The following PIGL variants were observed in gnomAD, a reference collection of about 807,000 sequenced individuals.
The protein encoded by PIGL is N-acetylglucosaminyl-phosphatidylinositol de-N-acetylase.
PIGL carries 22 observed loss-of-function variants against 31.1 expected under a neutral mutation model. The ratio of observed to expected loss-of-function variants is 0.71; its 90% CI spans 0.51 to 1.01. The LOEUF (loss-of-function observed/expected upper bound fraction) is 1.01. PIGL is among the 50% of genes least tolerant of loss of function. The pLI, the probability that PIGL is intolerant of heterozygous loss-of-function variation, is 0.00. For synonymous variants in PIGL, 131 were observed against 117.4 expected (o/e 1.12, Z -0.75); for missense variants, 302 against 315.9 (o/e 0.96, Z 0.33).
intron 2 of PIGL, among the ~76,000 whole-genome samples, chr17:16,266,799 G>A (rs1220427022): frequency 2.7e-5 from 4 of 150,902 alleles, no homozygotes; most frequent in Admixed American, 6.6e-5. Context: ...GGGTTTCACC[G>A]TGTTAGCCAG....
chr17:16,242,199 G>A (rs1340498647), intron 2 of PIGL, among the ~76,000 whole-genome samples: 1 of 152,000 alleles, frequency 6.6e-6, no homozygotes, highest in Admixed American at 6.6e-5. Context: ...GACTACAGGT[G>A]TGCACCACCA....
Position 16,217,297 on chromosome 17 carries a change from C to T in PIGL, c.71C>T (p.Ser24Phe). The T allele has an allele frequency of 6.2e-7, 1 of 1,614,178 alleles. No homozygotes were observed. Among genetic ancestry groups the T allele is most frequent in the Non-Finnish European group, 8.5e-7 (1 of 1,180,032 alleles). ...TGGGGCTTCCTCTGGGTTTGGGACT[C>T]CTCAGAACGAATGAAGAGTCGGGAG... ...LAWGFLWVWD[S>F]SERMKSREQG... Residue 24 changes from serine to phenylalanine, a missense_variant, in exon 1 of 7, where the codon TCC becomes TTC. Coordinates refer to ENST00000225609, the MANE Select transcript of PIGL (RefSeq NM_004278.4).
intron 1 of PIGL, among the ~76,000 whole-genome samples, chr17:16,220,377 A>G (rs71360158): frequency 6.6e-6 from 1 of 151,894 alleles, no homozygotes; most frequent in African/African-American, 2.4e-5. Flanking sequence ...GAGAGCATGC[A>G]CTTGGCACTC....
At chr17:16,218,710 G>C (rs185999159) in intron 1 of PIGL, among the ~76,000 whole-genome samples, 45 of 125,708 alleles carry the variant, frequency 3.6e-4, no homozygotes, top group Admixed American at 1.6e-3. Context: ...AGATAGTCTC[G>C]CTCTGTTGCC....
chr17:16,242,644 C>CTA, intron 2 of PIGL, among the ~76,000 whole-genome samples: 1 of 79,044 alleles, frequency 1.3e-5, no homozygotes, highest in Non-Finnish European at 2.4e-5. Flanking sequence ...TTTCTGATTC[C>CTA]TTTTTTTTTT....
intron 2 of PIGL, among the ~76,000 whole-genome samples, chr17:16,273,799 G>C (rs540038966): frequency 6.6e-6 from 1 of 152,300 alleles, no homozygotes; most frequent in African/African-American, 2.4e-5. Context: ...ATCCCTGTTA[G>C]TCTGGACACC....
Position 16,217,225 on chromosome 17 carries a change from T to A in PIGL, c.-2T>A. The stretch of plus-strand genomic sequence containing the variant: ...GCGCAGGCTCAGTGCTGCTTACCCA[T>A]CATGGAAGCAATGTGGCTCCTGTGT... On this transcript the variant is annotated 5_prime_UTR_variant, in exon 1 of 7. Transcript: ENST00000225609. 2 of 1,613,268 alleles carry A rather than the reference T, an allele frequency of 1.2e-6. No homozygotes were observed. The highest frequency in any genetic ancestry group is 1.7e-6 in the Non-Finnish European group (2 of 1,179,228).
At chr17:16,221,541 C>G (rs974844065) in intron 1 of PIGL, among the ~76,000 whole-genome samples, 7 of 151,834 alleles carry the variant, frequency 4.6e-5, no homozygotes, top group Admixed American at 2.0e-4. Context: ...CCTCTGCCTC[C>G]TGGATTCAAG....
intron 2 of PIGL, among the ~76,000 whole-genome samples, chr17:16,268,317 TA>T (rs1022485354): frequency 6.6e-6 from 1 of 152,186 alleles, no homozygotes; most frequent in Non-Finnish European, 1.5e-5. Flanking sequence ...GACAGTGGTG[TA>T]AAGTGAGATA....
intron 2 of PIGL, among the ~76,000 whole-genome samples, chr17:16,288,747 C>G: frequency 6.6e-6 from 1 of 151,886 alleles, no homozygotes; most frequent in South Asian, 2.1e-4. Context: ...CCATGTTGGT[C>G]AGGCTGGCCT....
At position 16,235,435 on chromosome 17, in the gene PIGL, C is replaced by CTT. The variant is rs903174807; in HGVS notation, c.335+1390_335+1391dup. On this transcript the variant is annotated intron_variant, in intron 2 of 6. Coordinates refer to ENST00000225609, the MANE Select transcript of PIGL (RefSeq NM_004278.4). ...TGTTTGTTTCCTGTATGTCTACGTT[C>CTT]TTTTTTTTTTTTTTTTTTTTTTTTT... Among the ~76,000 whole-genome samples the CTT allele has an allele frequency of 4.5e-3, 405 of 90,928 alleles. 58 individuals carry two copies. The highest frequency in any genetic ancestry group is 0.016 in the African/African-American group (326 of 20,536). The allele number at this position is 90,928 out of a possible 152,430, so 59.7% of individuals were successfully genotyped here. A position where few individuals can be genotyped will look rare whatever the true frequency, so the allele number is the denominator to read the frequency against.
At chr17:16,217,645 G>T in intron 1 of PIGL, 184 bp downstream of exon 1, 2 of 520,954 alleles carry the variant, frequency 3.8e-6, no homozygotes, top group South Asian at 3.1e-5. Context: ...TGGGTTGGGG[G>T]ACGTCGGCAG....
At chr17:16,253,713 A>G (rs180929212) in intron 2 of PIGL, among the ~76,000 whole-genome samples, 35 of 152,172 alleles carry the variant, frequency 2.3e-4, no homozygotes, top group Admixed American at 1.4e-3. Flanking sequence ...GGAGACCAAG[A>G]TGGGAGGCTC....
chr17:16,217,353 A>T lies in PIGL; in HGVS notation c.127A>T (p.Thr43Ser). ...QGGRLGAESR[T>S]LLVIAHPDDE... Reference sequence around the variant, plus strand: ...AGGACGGCTGGGAGCCGAAAGCCGGACCCTGCTGGTCATAGCGCACCCTGA... The same window carrying T: ...AGGACGGCTGGGAGCCGAAAGCCGGTCCCTGCTGGTCATAGCGCACCCTGA... Residue 43 changes from threonine to serine, a missense_variant, in exon 1 of 7, where the codon ACC becomes TCC. Physicochemically the swap from Thr to Ser is moderately conservative, Grantham distance 58. Coordinates refer to ENST00000225609, the MANE Select transcript of PIGL (RefSeq NM_004278.4). The T allele has an allele frequency of 6.2e-7, 1 of 1,614,060 alleles. No homozygotes were observed. Among genetic ancestry groups the T allele is most frequent in the Non-Finnish European group, 8.5e-7 (1 of 1,180,008 alleles).
chr17:16,300,019 G>A (rs774388448), intron 3 of PIGL, 41 bp downstream of exon 3: 2 of 1,488,072 alleles, frequency 1.3e-6, no homozygotes, highest in South Asian at 1.1e-5. Context: ...TGAGGTCTTG[G>A]TCCCATTCAC....
intron 3 of PIGL, among the ~76,000 whole-genome samples, chr17:16,311,988 G>T (rs2093052784): frequency 6.6e-6 from 1 of 152,084 alleles, no homozygotes; most frequent in African/African-American, 2.4e-5. Flanking sequence ...CTCCCAGACG[G>T]GGTGGTGGCC....
intron 3 of PIGL, among the ~76,000 whole-genome samples, chr17:16,309,764 A>T (rs1476600828): frequency 7.0e-3 from 2 of 286 alleles, no homozygotes; most frequent in Admixed American, 0.02. Context: ...CTCCATCTTA[A>T]AAAAAAAAAG....
intron 2 of PIGL, among the ~76,000 whole-genome samples, chr17:16,267,694 C>T (rs935545363): frequency 7.3e-6 from 1 of 137,226 alleles, no homozygotes; most frequent in Non-Finnish European, 1.5e-5. Flanking sequence ...GACTCCATAT[C>T]AAAAAAAAGA....
At chr17:16,278,732 T>G (rs543970725) in intron 2 of PIGL, among the ~76,000 whole-genome samples, 27 of 151,458 alleles carry the variant, frequency 1.8e-4, no homozygotes, top group African/African-American at 6.1e-4. Context: ...AAAATCCACA[T>G]TCACATGCCT....
Sources: allele counts gnomAD v4.1 joint callset (sites outside exome capture counted in the v4.1 genomes callset), GRCh38; gene constraint gnomAD v4.1.1; transcripts MANE v1.5; gene names NCBI Gene and HGNC (gene_info 2026-07-23, HGNC 2026-07-21).